Variants in LRRC7 observed in about 807,000 individuals in gnomAD.
LRRC7 encodes leucine-rich repeat-containing protein 7.
A neutral mutation model predicts 175.7 loss-of-function variants in LRRC7; 23 were observed. The ratio of observed to expected loss-of-function variants is 0.13; its 90% CI spans 0.09 to 0.19. The LOEUF (loss-of-function observed/expected upper bound fraction) is 0.19. Among genes scored for constraint, LRRC7 ranks in the 10% least tolerant of loss-of-function variants. The pLI is 1.00. For synonymous variants in LRRC7, 685 were observed against 680.9 expected (o/e 1.01, Z -0.09); for missense variants, 1,354 against 1,904.7 (o/e 0.71, Z 5.38).
chr1:69,842,683 A>C (rs1681861508), intron 7 of LRRC7, among the ~76,000 whole-genome samples: 1 of 152,146 alleles, frequency 6.6e-6, no homozygotes, highest in Non-Finnish European at 1.5e-5. Flanking sequence ...TGTTGGAAGA[A>C]GTTCTAAGTG....
intron 9 of LRRC7, 66 bp downstream of exon 9, chr1:69,980,519 A>C: frequency 8.3e-7 from 1 of 1,211,942 alleles, no homozygotes; most frequent in Non-Finnish European, 1.2e-6. Context: ...TTTGATCATA[A>C]TCTCAACTCT....
At chr1:69,968,067 G>A (rs1398294622) in intron 8 of LRRC7, among the ~76,000 whole-genome samples, 1 of 152,026 alleles carries the variant, frequency 6.6e-6, no homozygotes, top group Admixed American at 6.6e-5. Flanking sequence ...TACAAGAAGT[G>A]AGGGGAGAAA....
intron 7 of LRRC7, among the ~76,000 whole-genome samples, chr1:69,923,207 C>T (rs990331176): frequency 6.6e-5 from 10 of 152,106 alleles, no homozygotes; most frequent in Non-Finnish European, 1.2e-4. Context: ...TTTCTTAATC[C>T]GGTCTATCAT....
At chr1:69,673,468 G>A (rs1659379542) in intron 1 of LRRC7, among the ~76,000 whole-genome samples, 1 of 152,162 alleles carries the variant, frequency 6.6e-6, no homozygotes, top group Non-Finnish European at 1.5e-5. Flanking sequence ...CTCTTTGCTA[G>A]AATTGTTAAC....
chr1:69,680,009 A>T (rs918382441), intron 2 of LRRC7, among the ~76,000 whole-genome samples: 1 of 152,134 alleles, frequency 6.6e-6, no homozygotes, highest in Non-Finnish European at 1.5e-5. Context: ...TGTGACAGAG[A>T]CCATATGCCC....
chr1:69,963,981 C>G (rs1329670301), intron 8 of LRRC7, among the ~76,000 whole-genome samples: 2 of 152,172 alleles, frequency 1.3e-5, no homozygotes, highest in African/African-American at 4.8e-5. Context: ...TATCTGATCT[C>G]CTCCTATGCT....
Position 70,121,905 on chromosome 1 carries a change from T to C in LRRC7, c.*18T>C, listed in dbSNP as rs1666230664. The C allele has an allele frequency of 1.3e-6, 2 of 1,518,208 alleles. No homozygotes were observed. Among genetic ancestry groups the C allele is most frequent in the African/African-American group, 1.4e-5 (1 of 72,796 alleles). The allele number at this position is 1,518,208 out of a possible 1,614,324, so 94.0% of individuals were successfully genotyped here. The stretch of plus-strand genomic sequence containing the variant: ...CTGTCTAAATATTTTTTATAAATAG[T>C]GAAGATACGTCTAGCCAGACCTAAT... On this transcript the variant is annotated 3_prime_UTR_variant, in exon 27 of 27. Coordinates refer to ENST00000651989, the MANE Select transcript of LRRC7 (RefSeq NM_001370785.2).
intron 1 of LRRC7, among the ~76,000 whole-genome samples, chr1:69,676,755 A>T (rs1659821965): frequency 6.6e-6 from 1 of 152,108 alleles, no homozygotes; most frequent in Non-Finnish European, 1.5e-5. Flanking sequence ...CAGCAATTCC[A>T]TTCTTGAAAA....
intron 5 of LRRC7, among the ~76,000 whole-genome samples, chr1:69,830,338 G>C (rs1398758973): frequency 1.3e-5 from 2 of 151,518 alleles, no homozygotes; most frequent in Non-Finnish European, 3.0e-5. Flanking sequence ...TTCTTGATTT[G>C]GCATATTTAC....
intron 7 of LRRC7, among the ~76,000 whole-genome samples, chr1:69,840,003 G>C (rs1363979488): frequency 6.6e-6 from 1 of 151,908 alleles, no homozygotes; most frequent in Admixed American, 6.6e-5. Flanking sequence ...AAACCAATTT[G>C]GACATAGAAA....
intron 1 of LRRC7, among the ~76,000 whole-genome samples, chr1:69,600,488 A>G (rs559737957): frequency 6.6e-6 from 1 of 152,236 alleles, no homozygotes; most frequent in African/African-American, 2.4e-5. Context: ...TTGTTCTCAT[A>G]ATTAGACTAG....
At chr1:69,679,501 G>T (rs1660208915) in intron 2 of LRRC7, among the ~76,000 whole-genome samples, 1 of 152,044 alleles carries the variant, frequency 6.6e-6, no homozygotes, top group African/African-American at 2.4e-5. Flanking sequence ...TGACATATAT[G>T]TCATTCAATA....
chr1:70,098,228 T>C (rs1276834624), intron 25 of LRRC7, among the ~76,000 whole-genome samples: 1 of 152,174 alleles, frequency 6.6e-6, no homozygotes, highest in Non-Finnish European at 1.5e-5. Flanking sequence ...ATGAGCATTT[T>C]TTCATGTGTT....
chr1:69,630,240 T>C (rs1422977384), intron 1 of LRRC7, among the ~76,000 whole-genome samples: 1 of 152,166 alleles, frequency 6.6e-6, no homozygotes, highest in Non-Finnish European at 1.5e-5. Context: ...TATAATCTAT[T>C]TCTCTGCTAT....
intron 1 of LRRC7, among the ~76,000 whole-genome samples, chr1:69,627,907 A>T (rs895526874): frequency 3.9e-5 from 6 of 152,096 alleles, no homozygotes; most frequent in East Asian, 1.9e-4. Context: ...TTAACCAATT[A>T]TTCCAACATA....
intron 8 of LRRC7, among the ~76,000 whole-genome samples, chr1:69,964,544 T>A (rs1481579028): frequency 6.6e-6 from 1 of 152,142 alleles, no homozygotes; most frequent in Non-Finnish European, 1.5e-5. Flanking sequence ...CCAATAGAAG[T>A]TAGATTTTTT....
chr1:69,804,303 T>G (rs2101109065), intron 4 of LRRC7, among the ~76,000 whole-genome samples: 1 of 151,562 alleles, frequency 6.6e-6, no homozygotes, highest in Non-Finnish European at 1.5e-5. Flanking sequence ...GATCTACTAA[T>G]TGTACACTTT....
At position 70,133,577 on chromosome 1, in the gene LRRC7, G is replaced by A. The variant is rs924249296; in HGVS notation, c.*11690G>A. On this transcript the variant is annotated 3_prime_UTR_variant, in exon 27 of 27. Transcript: ENST00000651989. ...TTTCCTTTCTCCTTTGAGAAAATTT[G>A]AAACAATGCTCTAAATTTACACAAT... Among the ~76,000 whole-genome samples the A allele has an allele frequency of 2.0e-5, 3 of 152,030 alleles. No homozygotes were observed. Among genetic ancestry groups the A allele is most frequent in the Non-Finnish European group, 4.4e-5 (3 of 68,010 alleles).
intron 7 of LRRC7, among the ~76,000 whole-genome samples, chr1:69,887,884 G>C (rs1179386953): frequency 1.4e-5 from 2 of 147,128 alleles, no homozygotes; most frequent in Non-Finnish European, 3.0e-5. Flanking sequence ...GCTGTGTGAG[G>C]TGTCAGTGTG....
Sources: allele counts gnomAD v4.1 joint callset (sites outside exome capture counted in the v4.1 genomes callset), GRCh38; gene constraint gnomAD v4.1.1; transcripts MANE v1.5; gene names NCBI Gene and HGNC (gene_info 2026-07-23, HGNC 2026-07-21).